EPHA6: variants seen among roughly 807,000 people sequenced by gnomAD.
EPHA6 encodes the protein EPH receptor A6, also known as ephrin type-A receptor 6.
In EPHA6, 50 loss-of-function variants were observed where a neutral mutation model predicts 112.0. The observed-to-expected ratio is 0.45, with a 90% CI of 0.36 to 0.56. EPHA6 has a LOEUF of 0.56. Ranked by LOEUF, EPHA6 falls within the 20% of genes least tolerant of loss-of-function variation. The pLI, the probability that EPHA6 is intolerant of heterozygous loss-of-function variation, is 0.00. For synonymous variants in EPHA6, 529 were observed against 490.7 expected, an observed-to-expected ratio of 1.08 and a Z score of -1.03; for missense variants, 1,280 against 1,417.4, an observed-to-expected ratio of 0.90 and a Z score of 1.56.
chr3:96,917,710 A>C (rs2039558204), intron 2 of EPHA6, among the ~76,000 whole-genome samples: 1 of 152,068 alleles, frequency 6.6e-6, no homozygotes, highest in Non-Finnish European at 1.5e-5. Context: ...AAAGGCAAAG[A>C]ATCCACCCAA....
intron 11 of EPHA6, among the ~76,000 whole-genome samples, chr3:97,570,956 G>A (rs545317052): frequency 3.3e-5 from 5 of 152,196 alleles, no homozygotes; most frequent in African/African-American, 9.6e-5. Flanking sequence ...TGTAGCAATA[G>A]GAAGTCATCT....
At chr3:97,515,191 A>G (rs2092428993) in intron 10 of EPHA6, among the ~76,000 whole-genome samples, 1 of 152,234 alleles carries the variant, frequency 6.6e-6, no homozygotes, top group African/African-American at 2.4e-5. Context: ...CCAATTCTCC[A>G]AATGTGCTCA....
intron 1 of EPHA6, among the ~76,000 whole-genome samples, chr3:96,844,725 T>C (rs1347749167): frequency 6.6e-6 from 1 of 151,972 alleles, no homozygotes; most frequent in Non-Finnish European, 1.5e-5. Flanking sequence ...TAATTCCAAC[T>C]GAACTTGACT....
rs760873095 is a variant in EPHA6, at chr3:97,592,607, A to G, written c.2387-5A>G. 1 of 1,613,124 alleles carries G rather than the reference A, an allele frequency of 6.2e-7. No homozygotes were observed. Among genetic ancestry groups the G allele is most frequent in the Non-Finnish European group, 8.5e-7 (1 of 1,179,454 alleles). On this transcript the variant is annotated splice_polypyrimidine_tract_variant and splice_region_variant and intron_variant, in intron 11 of 17. Coordinates refer to ENST00000389672, the MANE Select transcript of EPHA6 (RefSeq NM_001080448.3). The stretch of plus-strand genomic sequence containing the variant: ...TGATTAATGTCAATTTTTATCTCTT[A>G]AAAGGATCCTTCCCGGCCATTGGGG...
rs143219636 is a variant in EPHA6 at position 97,512,411 on chromosome 3, G to A, written c.2201-19947G>A. On this transcript the variant is annotated intron_variant, in intron 10 of 17. Coordinates refer to ENST00000389672, the MANE Select transcript of EPHA6 (RefSeq NM_001080448.3). ...TCATTTTATAATAAATAGTAATTCA[G>A]GACACTTTTTTAAAATCAAAATAAT... Among the ~76,000 whole-genome samples, 567 of 152,186 alleles carry A rather than the reference G, an allele frequency of 3.7e-3. 2 individuals carry two copies. The highest frequency in any genetic ancestry group is 0.013 in the African/African-American group (530 of 41,524).
At chr3:97,621,074 T>TATGC (rs2093810396) in intron 13 of EPHA6, among the ~76,000 whole-genome samples, 1 of 152,080 alleles carries the variant, frequency 6.6e-6, no homozygotes. Flanking sequence ...CATGGAATAC[T>TATGC]ATGCAGTCGT....
At chr3:97,430,047 TA>T in intron 6 of EPHA6, among the ~76,000 whole-genome samples, 1 of 152,298 alleles carries the variant, frequency 6.6e-6, no homozygotes, top group East Asian at 1.9e-4. Flanking sequence ...AAATTGGATA[TA>T]AAACCTTTAT....
chr3:97,095,091 AC>A (rs1433851342), intron 3 of EPHA6, among the ~76,000 whole-genome samples: 1 of 152,118 alleles, frequency 6.6e-6, no homozygotes, highest in Non-Finnish European at 1.5e-5. Flanking sequence ...AGTAGTAAAT[AC>A]GGAAAACTGG....
chr3:97,081,798 A>G (rs998417532), intron 3 of EPHA6, among the ~76,000 whole-genome samples: 2 of 151,482 alleles, frequency 1.3e-5, no homozygotes, highest in Non-Finnish European at 3.0e-5. Context: ...TCATGCATCA[A>G]TTAAAATAAT....
chr3:97,502,692 G>A (rs1220737098), intron 10 of EPHA6, among the ~76,000 whole-genome samples: 2 of 151,182 alleles, frequency 1.3e-5, no homozygotes, highest in African/African-American at 4.9e-5. Flanking sequence ...AAATTAGCTG[G>A]GCATGGTGGC....
At chr3:96,850,689 A>G (rs1401304507) in intron 1 of EPHA6, among the ~76,000 whole-genome samples, 1 of 152,044 alleles carries the variant, frequency 6.6e-6, no homozygotes, top group Non-Finnish European at 1.5e-5. Context: ...AAGCAAAAGC[A>G]AATTAGTGGA....
chr3:97,258,253 C>T (rs60462382), intron 5 of EPHA6, among the ~76,000 whole-genome samples: 13,078 of 133,908 alleles, frequency 0.098, 1,185 homozygotes, highest in African/African-American at 0.26. Flanking sequence ...TATATATATA[C>T]ACACACACAC....
chr3:96,965,074 C>T (rs1425556445), intron 2 of EPHA6, among the ~76,000 whole-genome samples: 1 of 152,100 alleles, frequency 6.6e-6, no homozygotes, highest in Non-Finnish European at 1.5e-5. Context: ...AGATTGGTTG[C>T]AGGTTGGCAT....
At chr3:97,167,883 A>G (rs1275597717) in intron 3 of EPHA6, among the ~76,000 whole-genome samples, 3 of 151,924 alleles carry the variant, frequency 2.0e-5, no homozygotes, top group Admixed American at 1.3e-4. Context: ...TATTAGTACC[A>G]TAGCATCCAT....
chr3:97,607,184 CAAAAA>C (rs11437335), intron 12 of EPHA6, among the ~76,000 whole-genome samples: 1 of 86,094 alleles, frequency 1.2e-5, no homozygotes, highest in African/African-American at 3.6e-5. Flanking sequence ...TTGTCTGAGG[CAAAAA>C]AAAAAAAAAA....
chr3:97,127,668 T>C (rs2048219416), intron 3 of EPHA6, among the ~76,000 whole-genome samples: 1 of 151,396 alleles, frequency 6.6e-6, no homozygotes, highest in Admixed American at 6.6e-5. Flanking sequence ...TGAGCCGAGA[T>C]TGCGCCACTG....
rs1285477472 is a variant in EPHA6 at position 96,924,712 on chromosome 3, A to G, written c.450+57823A>G. Among the ~76,000 whole-genome samples the G allele has an allele frequency of 2.0e-5, 3 of 152,022 alleles. No homozygotes were observed. The East Asian group carries it at 5.8e-4, about 29-fold the overall frequency. ...TGAGAGAGGGCATCCTTGTCTTGTG[A>G]TGGTATTCAAGGGAAATGCTTCCAG... On this transcript the variant is annotated intron_variant, in intron 2 of 17. Transcript: ENST00000389672.
intron 5 of EPHA6, among the ~76,000 whole-genome samples, chr3:97,262,596 A>C (rs1170282672): frequency 6.6e-6 from 1 of 152,172 alleles, no homozygotes; most frequent in East Asian, 1.9e-4. Context: ...TTCTGCCACA[A>C]GACTTTTTGT....
intron 13 of EPHA6, among the ~76,000 whole-genome samples, chr3:97,621,026 A>G (rs1028969743): frequency 6.6e-6 from 1 of 152,090 alleles, no homozygotes; most frequent in Non-Finnish European, 1.5e-5. Context: ...ATGCCCATCA[A>G]TGATAGACTG....
Sources: allele counts gnomAD v4.1 joint callset (sites outside exome capture counted in the v4.1 genomes callset), GRCh38; gene constraint gnomAD v4.1.1; transcripts MANE v1.5; gene names NCBI Gene and HGNC (gene_info 2026-07-23, HGNC 2026-07-21).